The following SLC16A4 variants were observed in gnomAD, a reference collection of about 807,000 sequenced individuals.
SLC16A4 encodes the protein solute carrier family 16 member 4, also known as probable monocarboxylate transporter 5.
A neutral mutation model predicts 47.9 loss-of-function variants in SLC16A4; 39 were observed. That is an observed-to-expected ratio of 0.81 (90% CI 0.63 to 1.06). The LOEUF (loss-of-function observed/expected upper bound fraction) is 1.06. Among genes scored for constraint, SLC16A4 ranks in the 50% least tolerant of loss-of-function variants. SLC16A4 has a pLI of 0.00. For missense variants in SLC16A4, 524 were observed against 573.8 expected (o/e 0.91, Z 0.89); for synonymous variants, 189 against 199.9 (o/e 0.95, Z 0.46).
intron 2 of SLC16A4, among the ~76,000 whole-genome samples, chr1:110,387,594 G>T (rs745472224): frequency 6.6e-6 from 1 of 152,126 alleles, no homozygotes; most frequent in Non-Finnish European, 1.5e-5. Context: ...TATTAATCTG[G>T]TTATTAGATG....
intron 4 of SLC16A4, among the ~76,000 whole-genome samples, 174 bp from the exon 5 acceptor site, chr1:110,381,317 AC>A (rs1171121049): frequency 1.5e-5 from 1 of 67,954 alleles, no homozygotes; most frequent in East Asian, 6.4e-4. Context: ...ATATATACAT[AC>A]ACACACACAC....
chr1:110,375,604 G>A, intron 7 of SLC16A4, 53 bp from the exon 8 acceptor site: 1 of 959,308 alleles, frequency 1.0e-6, no homozygotes, highest in Non-Finnish European at 1.7e-6. Context: ...ATTCTATAGA[G>A]ACCTATGCCT....
At position 110,363,854 on chromosome 1, in the gene SLC16A4, A is replaced by G; in HGVS notation, c.1376T>C (p.Phe459Ser). 1 of 1,613,486 alleles carries G rather than the reference A, an allele frequency of 6.2e-7. No individual in the cohort carries two copies. The change falls in exon 9 of 9, where the codon TTC (phenylalanine) becomes TCC (serine). Residue 459 changes from phenylalanine to serine, a missense_variant. Physicochemically the swap from Phe to Ser is radical, Grantham distance 155 (BLOSUM62 -2). Transcript: ENST00000369779. ...YDYTQTYNGS[F>S]YFSGICYLLS... is the part of the protein sequence containing the mutation. ...GAGATAGCATATGCCAGAGAAGTAG[A>G]AAGAGCCATTGTATGTCTGGGTATA...
chr1:110,368,232 A>C (rs1301496532), intron 8 of SLC16A4, among the ~76,000 whole-genome samples: 1 of 152,256 alleles, frequency 6.6e-6, no homozygotes, highest in African/African-American at 2.4e-5. Context: ...AAAAGACTAG[A>C]TTCCTTTGTG....
intron 2 of SLC16A4, among the ~76,000 whole-genome samples, chr1:110,388,865 T>C (rs765128127): frequency 3.3e-5 from 5 of 152,162 alleles, no homozygotes; most frequent in Admixed American, 6.5e-5. Flanking sequence ...TGCATGCCAC[T>C]GCACTCAGCT....
chr1:110,383,663 A>T (rs1570653040), intron 2 of SLC16A4, among the ~76,000 whole-genome samples: 1 of 152,052 alleles, frequency 6.6e-6, no homozygotes, highest in East Asian at 1.9e-4. Context: ...GGGGAGGGTC[A>T]GTCTTGTGGC....
Position 110,375,472 on chromosome 1 carries a change from C to A in SLC16A4, c.1322G>T (p.Gly441Val), listed in dbSNP as rs781474555. Residue 441 changes from glycine to valine, a missense_variant, in exon 8 of 9, where the codon GGA becomes GTA. Physicochemically the swap from Gly to Val is moderately radical, Grantham distance 109 (BLOSUM62 -3). Coordinates refer to ENST00000369779, the MANE Select transcript of SLC16A4 (RefSeq NM_004696.3). ...SFFAGMAVLS[G>V]PPIAGWLYDY... ...GAAGGTGTTACCTGCTATAGGTGGTCCAGAAAGGACAGCCATCCCAGCAAA... is the reference window on the plus strand; with the variant it reads ...GAAGGTGTTACCTGCTATAGGTGGTACAGAAAGGACAGCCATCCCAGCAAA... The A allele has an allele frequency of 1.2e-6, 2 of 1,609,372 alleles. No homozygotes were observed. Among genetic ancestry groups the A allele is most frequent in the South Asian group, 2.2e-5 (2 of 90,956 alleles).
chr1:110,390,289 G>A (rs1360272718), intron 1 of SLC16A4, among the ~76,000 whole-genome samples: 1 of 152,102 alleles, frequency 6.6e-6, no homozygotes, highest in Non-Finnish European at 1.5e-5. Flanking sequence ...CTGGTCCTCC[G>A]GGTGAACTCT....
chr1:110,363,630 A>AG lies in SLC16A4; in HGVS notation c.*135_*136insC, dbSNP rs1017402902. ...GAAAGAGCGAGACTCCGTCTCAAAAAAAAAAAAAAAAAAATTGTTTTCCTT... is the reference window on the plus strand; with the variant it reads ...GAAAGAGCGAGACTCCGTCTCAAAAAGAAAAAAAAAAAAAATTGTTTTCCTT... On this transcript the variant is annotated 3_prime_UTR_variant, in exon 9 of 9. Coordinates refer to ENST00000369779, the MANE Select transcript of SLC16A4 (RefSeq NM_004696.3). 6.3e-6 allele frequency: 6 copies of AG among 952,212 alleles called. No homozygotes were observed. The highest frequency in any genetic ancestry group is 8.7e-6 in the Non-Finnish European group (6 of 688,514). 59.0% of individuals were successfully genotyped at this position (952,212 alleles called of 1,614,324 possible). A position where few individuals can be genotyped will look rare whatever the true frequency, so the allele number is the denominator to read the frequency against.
chr1:110,371,655 A>G (rs978406312), intron 8 of SLC16A4: 1 of 152,228 alleles, frequency 6.6e-6, no homozygotes, highest in Non-Finnish European at 1.5e-5. Context: ...TCTGGGTGCC[A>G]TCTAACCGCA....
intron 8 of SLC16A4, chr1:110,371,346 A>G (rs769827432): frequency 3.3e-5 from 5 of 152,288 alleles, no homozygotes; most frequent in Admixed American, 6.5e-5. Flanking sequence ...GGCAACTAAT[A>G]TGGTCCTTTG....
At position 110,375,495 on chromosome 1, in the gene SLC16A4, A is replaced by C; in HGVS notation, c.1299T>G (p.Phe433Leu). The change falls in exon 8 of 9, where the codon TTT becomes TTG. Residue 433 changes from phenylalanine (F) to leucine (L), a missense_variant. Phe to Leu is a conservative substitution (Grantham distance 22). Transcript: ENST00000369779. Reference sequence around the variant, plus strand: ...GTCCAGAAAGGACAGCCATCCCAGCAAAGAAACTGGCAAGTCCCAAAAACC... The same window carrying C: ...GTCCAGAAAGGACAGCCATCCCAGCCAAGAAACTGGCAAGTCCCAAAAACC... ...VNRFLGLASF[F>L]AGMAVLSGPP... The C allele has an allele frequency of 1.9e-6, 3 of 1,613,474 alleles. No homozygotes were observed. The highest frequency in any genetic ancestry group is 1.7e-5 in the Admixed American group (1 of 60,022).
rs547516181 is a variant in SLC16A4, at chr1:110,368,072, C to T, written c.1337-4179G>A. Among the ~76,000 whole-genome samples the T allele has an allele frequency of 2.6e-5, 4 of 152,316 alleles. No homozygotes were observed. In the East Asian group the frequency reaches 7.7e-4, roughly 29 times the overall value. On this transcript the variant is annotated intron_variant, in intron 8 of 8. Transcript: ENST00000369779. ...CTCGATCTCCTGACCTCGTGATCTGCCCGCCTCGGCCTCCCAAAGTGCTGG... is the reference window on the plus strand; with the variant it reads ...CTCGATCTCCTGACCTCGTGATCTGTCCGCCTCGGCCTCCCAAAGTGCTGG...
intron 8 of SLC16A4, among the ~76,000 whole-genome samples, chr1:110,373,335 A>ATT (rs746633488): frequency 5.3e-5 from 8 of 152,170 alleles, no homozygotes; most frequent in Non-Finnish European, 1.2e-4. Context: ...CAGCCAATGA[A>ATT]GAAGGATCAA....
intron 8 of SLC16A4, 160 bp downstream of exon 8, chr1:110,375,298 G>C (rs936063859): frequency 9.8e-6 from 6 of 612,368 alleles, no homozygotes; most frequent in Non-Finnish European, 1.5e-5. Context: ...TGAGCCTTCA[G>C]ATTTTCCTGC....
At chr1:110,373,714 T>C (rs1446678560) in intron 8 of SLC16A4, among the ~76,000 whole-genome samples, 1 of 150,092 alleles carries the variant, frequency 6.7e-6, no homozygotes, top group Non-Finnish European at 1.5e-5. Context: ...GGTCTCACTC[T>C]GTCACCCAGG....
rs558823244 is a variant in SLC16A4, at chr1:110,364,415, G to T, written c.1337-522C>A. Among the ~76,000 whole-genome samples the T allele has an allele frequency of 4.6e-5, 7 of 151,904 alleles. No individual in the cohort carries two copies. The South Asian group carries it at 1.5e-3, about 32-fold the overall frequency. On this transcript the variant is annotated intron_variant, in intron 8 of 8. Transcript: ENST00000369779. Reference sequence around the variant, plus strand: ...TAAGTGCTATGAAGGGAAGGTGCAGGAGGCTATCAGAAGATATGAGAAGGA... The same window carrying T: ...TAAGTGCTATGAAGGGAAGGTGCAGTAGGCTATCAGAAGATATGAGAAGGA...
chr1:110,371,287 A>G (rs925265397), intron 8 of SLC16A4: 5 of 150,174 alleles, frequency 3.3e-5, no homozygotes, highest in Non-Finnish European at 7.4e-5. Flanking sequence ...CAGTTGGGAA[A>G]GAGGGGAATA....
At chr1:110,389,414 C>T in intron 1 of SLC16A4, 59 bp from the exon 2 acceptor site, 1 of 1,043,826 alleles carries the variant, frequency 9.6e-7, no homozygotes, top group Non-Finnish European at 1.5e-6. Context: ...AACTTTTAAA[C>T]TTTTTATCTG....
Sources: gnomAD v4.1 joint callset for allele counts (sites outside exome capture counted in the v4.1 genomes callset) on GRCh38, gnomAD v4.1.1 for gene constraint, MANE v1.5 for transcripts, NCBI Gene and HGNC (gene_info 2026-07-23, HGNC 2026-07-21) for gene names.